Variants in CEP120 observed in about 807,000 individuals in gnomAD.
CEP120 encodes centrosomal protein 120, also known as centrosomal protein of 120 kDa.
A neutral mutation model predicts 126.5 loss-of-function variants in CEP120; 113 were observed. The ratio of observed to expected loss-of-function variants is 0.89; its 90% CI spans 0.77 to 1.04. The LOEUF is 1.04. Among genes scored for constraint, CEP120 ranks in the 50% least tolerant of loss-of-function variants. CEP120 has a pLI of 0.00. For missense variants in CEP120, 1,230 were observed against 1,155.7 expected, an observed-to-expected ratio of 1.06 and a Z score of -0.93; for synonymous variants, 400 against 394.3, an observed-to-expected ratio of 1.01 and a Z score of -0.17.
intron 3 of CEP120, 93 bp from the exon 4 acceptor site, chr5:123,412,633 G>T: frequency 1.2e-6 from 1 of 860,148 alleles, no homozygotes; most frequent in Non-Finnish European, 1.6e-6. Flanking sequence ...ATTTATTGTA[G>T]CTTTTCAGTA....
At chr5:123,378,307 A>G in intron 15 of CEP120, 29 bp downstream of exon 15, 6 of 1,516,460 alleles carry the variant, frequency 4.0e-6, no homozygotes, top group South Asian at 1.2e-5. Flanking sequence ...CTCTATGCTG[A>G]AAAAAAATAC....
intron 4 of CEP120, among the ~76,000 whole-genome samples, chr5:123,407,589 A>C (rs1773780067): frequency 6.6e-6 from 1 of 152,158 alleles, no homozygotes; most frequent in African/African-American, 2.4e-5. Flanking sequence ...ATGCAGCAAA[A>C]ACTAACAGAG....
intron 17 of CEP120, among the ~76,000 whole-genome samples, chr5:123,366,811 C>A (rs1321560114): frequency 1.1e-4 from 17 of 151,970 alleles, no homozygotes; most frequent in African/African-American, 4.1e-4. Context: ...CTAAACTACT[C>A]CACCTAGGAT....
At chr5:123,397,089 C>T (rs1005373126) in intron 5 of CEP120, among the ~76,000 whole-genome samples, 1 of 151,940 alleles carries the variant, frequency 6.6e-6, no homozygotes, top group Non-Finnish European at 1.5e-5. Context: ...TTTAGGAGGC[C>T]AAGGCAGGAG....
chr5:123,371,134 C>T (rs959487320), intron 17 of CEP120, among the ~76,000 whole-genome samples: 2 of 152,042 alleles, frequency 1.3e-5, no homozygotes, highest in Admixed American at 6.6e-5. Flanking sequence ...CAGCATCTCT[C>T]ATCCAAAAAT....
intron 17 of CEP120, among the ~76,000 whole-genome samples, chr5:123,366,510 AATTCTAGTTCTTTACT>A (rs901035791): frequency 2.0e-4 from 31 of 151,814 alleles, no homozygotes; most frequent in African/African-American, 7.5e-4. Context: ...ATACACCTAC[AATTCTAGTTCTTTACT>A]AGAAGTATGG....
At chr5:123,365,259 A>ATATGATTATTTCATATTCAATGAAT (rs1324592772) in intron 17 of CEP120, among the ~76,000 whole-genome samples, 5 of 151,750 alleles carry the variant, frequency 3.3e-5, no homozygotes, top group Non-Finnish European at 7.4e-5. Context: ...ATTCAATTAA[A>ATATGATTATTTCATATTCAATGAAT]AAATATGATT....
chr5:123,357,044 C>G (rs1453678229), intron 18 of CEP120, among the ~76,000 whole-genome samples: 1 of 152,052 alleles, frequency 6.6e-6, no homozygotes, highest in East Asian at 1.9e-4. Flanking sequence ...AATGCTTTTA[C>G]TGGGTAACAA....
At chr5:123,355,296 T>A (rs1769509661) in intron 18 of CEP120, among the ~76,000 whole-genome samples, 1 of 152,212 alleles carries the variant, frequency 6.6e-6, no homozygotes, top group Admixed American at 6.5e-5. Flanking sequence ...TTTGGGTATA[T>A]ACCCAGTAAG....
chr5:123,380,217 T>C (rs573883486), intron 14 of CEP120, among the ~76,000 whole-genome samples: 2 of 152,234 alleles, frequency 1.3e-5, no homozygotes, highest in South Asian at 2.1e-4. Flanking sequence ...AACAACTTTT[T>C]TTTCTCACTA....
intron 19 of CEP120, among the ~76,000 whole-genome samples, chr5:123,348,928 G>A (rs1311797700): frequency 2.6e-5 from 4 of 152,100 alleles, no homozygotes; most frequent in Non-Finnish European, 4.4e-5. Flanking sequence ...CTAGTACTGT[G>A]AGAAAATAAA....
At position 123,346,615 on chromosome 5, in the gene CEP120, C is replaced by G; in HGVS notation, c.2865G>C (p.Leu955Phe). 3 of 1,613,998 alleles carry G rather than the reference C, an allele frequency of 1.9e-6. No homozygotes were observed. Among genetic ancestry groups the G allele is most frequent in the Non-Finnish European group, 2.5e-6 (3 of 1,179,958 alleles). ...CGTGATTATACACACCCGTTCTCAT[C>G]AAAGTATCCCTTTCTTCTATCAGGC... is the stretch of plus-strand genomic sequence containing the variant. ...LTRLIEERDT[L>F]MRTGVYNHED... The change falls in exon 20 of 20, where the codon TTG becomes TTC. Residue 955 changes from leucine to phenylalanine, a missense_variant. Physicochemically the swap from Leu to Phe is conservative, Grantham distance 22. Coordinates refer to ENST00000306467, the MANE Select transcript of CEP120 (RefSeq NM_001375405.1).
intron 4 of CEP120, among the ~76,000 whole-genome samples, chr5:123,406,876 G>A (rs990419774): frequency 1.3e-5 from 2 of 151,532 alleles, no homozygotes; most frequent in African/African-American, 4.8e-5. Context: ...CAATTATTAT[G>A]TGTGTGTGTG....
At chr5:123,363,124 T>C (rs1302454414) in intron 18 of CEP120, among the ~76,000 whole-genome samples, 1 of 151,648 alleles carries the variant, frequency 6.6e-6, no homozygotes, top group East Asian at 1.9e-4. Context: ...CATGCCTCTT[T>C]GCTATGATCA....
At chr5:123,373,734 A>G (rs2127024569) in intron 16 of CEP120, among the ~76,000 whole-genome samples, 1 of 152,124 alleles carries the variant, frequency 6.6e-6, no homozygotes, top group African/African-American at 2.4e-5. Context: ...GGCTCCTCTG[A>G]GCCACATGGA....
intron 5 of CEP120, 103 bp downstream of exon 5, chr5:123,399,033 A>G: frequency 2.3e-6 from 2 of 872,278 alleles, no homozygotes; most frequent in Non-Finnish European, 3.2e-6. Flanking sequence ...CAAAAGTTAA[A>G]AAAAAAAAGT....
chr5:123,368,955 C>A (rs1428388), intron 17 of CEP120, among the ~76,000 whole-genome samples: 1 of 151,600 alleles, frequency 6.6e-6, no homozygotes, highest in Non-Finnish European at 1.5e-5. Flanking sequence ...AAAAATGTTA[C>A]CTAGGTTTTT....
At position 123,345,116 on chromosome 5, in the gene CEP120, C is replaced by G. The variant is rs1768719497; in HGVS notation, c.*1403G>C. The G allele has an allele frequency of 6.6e-6, 1 of 152,098 alleles. No individual in the cohort carries two copies. Among genetic ancestry groups the G allele is most frequent in the African/African-American group, 2.4e-5 (1 of 41,430 alleles). 9.4% of individuals were successfully genotyped at this position (152,098 alleles called of 1,614,324 possible). ...CCAAAACATAAGGCTTGCTTCTGTTCCATTCAAGTGGCACAAAAATCAATG... is the reference window on the plus strand; with the variant it reads ...CCAAAACATAAGGCTTGCTTCTGTTGCATTCAAGTGGCACAAAAATCAATG... On this transcript the variant is annotated 3_prime_UTR_variant, in exon 20 of 20. Coordinates refer to ENST00000306467, the MANE Select transcript of CEP120 (RefSeq NM_001375405.1).
chr5:123,377,239 T>A (rs1218375256), intron 16 of CEP120, 135 bp downstream of exon 16: 12 of 767,078 alleles, frequency 1.6e-5, no homozygotes, highest in Non-Finnish European at 2.3e-5. Context: ...TATATTTGAA[T>A]CTCAGTGCAA....
Sources: allele counts gnomAD v4.1 joint callset (sites outside exome capture counted in the v4.1 genomes callset), GRCh38; gene constraint gnomAD v4.1.1; transcripts MANE v1.5; gene names NCBI Gene and HGNC (gene_info 2026-07-23, HGNC 2026-07-21).